CCDC175: variants seen among roughly 807,000 people sequenced by gnomAD.
The protein encoded by CCDC175 is coiled-coil domain-containing protein 175.
CCDC175 carries 100 observed loss-of-function variants against 114.6 expected under a neutral mutation model. The ratio of observed to expected loss-of-function variants is 0.87; its 90% CI spans 0.74 to 1.03. The LOEUF (loss-of-function observed/expected upper bound fraction) is 1.03. Among genes scored for constraint, CCDC175 ranks in the 50% least tolerant of loss-of-function variants. The probability of loss-of-function intolerance (pLI) is 0.00; values close to 1 mark genes in which losing one functional copy is unlikely to be tolerated. For synonymous variants in CCDC175, 306 were observed against 308.7 expected, an observed-to-expected ratio of 0.99 and a Z score of 0.09; for missense variants, 880 against 917.8, an observed-to-expected ratio of 0.96 and a Z score of 0.53.
At chr14:59,554,030 C>T (rs1175129929) in intron 7 of CCDC175, among the ~76,000 whole-genome samples, 2 of 152,102 alleles carry the variant, frequency 1.3e-5, no homozygotes, top group Non-Finnish European at 2.9e-5. Context: ...ACTTTAACAC[C>T]CCACTGTCAA....
At chr14:59,535,905 C>T (rs577414723) in intron 13 of CCDC175, among the ~76,000 whole-genome samples, 9 of 123,182 alleles carry the variant, frequency 7.3e-5, no homozygotes, top group African/African-American at 2.7e-4. Context: ...ATATCATGCT[C>T]CTTTGGGGCA....
At chr14:59,563,912 G>A in intron 5 of CCDC175, 53 bp from the exon 6 acceptor site, 1 of 1,211,272 alleles carries the variant, frequency 8.3e-7, no homozygotes, top group Non-Finnish European at 1.1e-6. Context: ...GCACAACAAA[G>A]TTTAAAAAAT....
intron 16 of CCDC175, 78 bp downstream of exon 16, chr14:59,525,204 T>C: frequency 1.8e-6 from 2 of 1,118,336 alleles, no homozygotes; most frequent in Non-Finnish European, 2.4e-6. Context: ...AGCTATTCTC[T>C]TCTTTTCTCT....
At chr14:59,510,533 T>A in intron 19 of CCDC175, 113 bp downstream of exon 19, 1 of 998,132 alleles carries the variant, frequency 1.0e-6, no homozygotes, top group African/African-American at 1.6e-5. Context: ...TGTGGCATAA[T>A]TGGGGATAAC....
intron 13 of CCDC175, among the ~76,000 whole-genome samples, chr14:59,536,971 C>T (rs950639291): frequency 6.6e-5 from 10 of 151,896 alleles, no homozygotes; most frequent in Admixed American, 5.9e-4. Flanking sequence ...TTAGTAGAGA[C>T]GAGGTTTCAC....
chr14:59,508,176 G>A (rs907408815), intron 19 of CCDC175, among the ~76,000 whole-genome samples: 3 of 151,894 alleles, frequency 2.0e-5, no homozygotes, highest in Non-Finnish European at 4.4e-5. Flanking sequence ...GTAAAGTTCA[G>A]GGCACTTGTC....
At chr14:59,543,545 C>A (rs919037283) in intron 9 of CCDC175, 91 bp from the exon 10 acceptor site, 2 of 454,742 alleles carry the variant, frequency 4.4e-6, no homozygotes, top group South Asian at 7.2e-5. Flanking sequence ...AAGTTCAGAT[C>A]ATGAGCTATT....
intron 6 of CCDC175, among the ~76,000 whole-genome samples, chr14:59,562,480 T>C (rs768442583): frequency 1.3e-5 from 2 of 152,182 alleles, no homozygotes; most frequent in Non-Finnish European, 2.9e-5. Flanking sequence ...AATACTTCCA[T>C]TTTATAGATG....
At chr14:59,530,498 T>G (rs556825470) in intron 14 of CCDC175, among the ~76,000 whole-genome samples, 5 of 147,956 alleles carry the variant, frequency 3.4e-5, no homozygotes, top group Admixed American at 6.7e-5. Context: ...GAAAAGAAAA[T>G]TGGGAATAAG....
At chr14:59,532,196 T>C (rs1894112997) in intron 13 of CCDC175, among the ~76,000 whole-genome samples, 1 of 152,200 alleles carries the variant, frequency 6.6e-6, no homozygotes, top group South Asian at 2.1e-4. Flanking sequence ...AACACTACCA[T>C]GTATACAGCC....
chr14:59,538,801 C>CT lies in CCDC175; in HGVS notation c.1394dup (p.His466AlafsTer11), dbSNP rs752211983. 6.5e-7 allele frequency: 1 copy of CT among 1,536,768 alleles called. No homozygotes were observed. The highest frequency in any genetic ancestry group is 8.7e-7 in the Non-Finnish European group (1 of 1,146,706). ...TTATCTTGGCTGTCCAACGTGCATG[C>CT]TTTTTTCTCAAGCAAGCCATTTTCC... On this transcript the variant is annotated frameshift_variant, in exon 12 of 20. Transcript: ENST00000537690. LOFTEE classifies it high-confidence loss of function.
intron 14 of CCDC175, among the ~76,000 whole-genome samples, chr14:59,528,012 A>G (rs1312583165): frequency 6.6e-6 from 1 of 151,952 alleles, no homozygotes; most frequent in Admixed American, 6.6e-5. Flanking sequence ...CATTTATTCT[A>G]TTTGTTGAAG....
intron 15 of CCDC175, among the ~76,000 whole-genome samples, chr14:59,526,754 AATC>A (rs1893764133): frequency 6.6e-6 from 1 of 152,202 alleles, no homozygotes; most frequent in South Asian, 2.1e-4. Flanking sequence ...TAAAAAGCAG[AATC>A]AAGTTTCTAA....
At chr14:59,543,759 G>C (rs1894933610) in intron 9 of CCDC175, among the ~76,000 whole-genome samples, 1 of 152,138 alleles carries the variant, frequency 6.6e-6, no homozygotes, top group Admixed American at 6.6e-5. Flanking sequence ...CTCCCAAAGT[G>C]CTGGATTACA....
intron 7 of CCDC175, among the ~76,000 whole-genome samples, chr14:59,559,167 A>T (rs181620265): frequency 6.6e-6 from 1 of 152,254 alleles, no homozygotes; most frequent in East Asian, 1.9e-4. Flanking sequence ...GCAAGGATAT[A>T]CTCTAGGCCA....
chr14:59,533,667 A>G (rs17096368), intron 13 of CCDC175, among the ~76,000 whole-genome samples: 11,974 of 151,578 alleles, frequency 0.079, 574 homozygotes, highest in Middle Eastern at 0.14. Flanking sequence ...ATTTCTCCAG[A>G]CTGCAACATT....
intron 13 of CCDC175, among the ~76,000 whole-genome samples, chr14:59,537,506 C>T (rs1318886687): frequency 6.6e-6 from 1 of 152,162 alleles, no homozygotes; most frequent in Non-Finnish European, 1.5e-5. Flanking sequence ...CTAATGGCTG[C>T]CTCCAGGGTA....
chr14:59,542,302 A>G (rs1007715154), intron 10 of CCDC175, among the ~76,000 whole-genome samples: 1 of 152,140 alleles, frequency 6.6e-6, no homozygotes, highest in African/African-American at 2.4e-5. Flanking sequence ...TTCATTAATT[A>G]TTTCATATGT....
At chr14:59,563,991 T>TA in intron 5 of CCDC175, 132 bp from the exon 6 acceptor site, 1 of 529,402 alleles carries the variant, frequency 1.9e-6, no homozygotes, top group Non-Finnish European at 2.8e-6. Context: ...TAGTAATAAG[T>TA]AAAAAATAAA....
Sources: allele counts gnomAD v4.1 joint callset (sites outside exome capture counted in the v4.1 genomes callset), GRCh38; gene constraint gnomAD v4.1.1; transcripts MANE v1.5; gene names NCBI Gene and HGNC (gene_info 2026-07-23, HGNC 2026-07-21).